Variants in PSME3IP1 observed in about 807,000 individuals in gnomAD.
PSME3IP1 encodes proteasome activator subunit 3 interacting protein 1, also known as PSME3-interacting protein.
A neutral mutation model predicts 34.1 loss-of-function variants in PSME3IP1; 13 were observed. That is an observed-to-expected ratio of 0.38 (90% CI 0.25 to 0.61). The LOEUF is 0.61. PSME3IP1 is among the 20% of genes least tolerant of loss of function. The probability of loss-of-function intolerance (pLI) is 0.60; values close to 1 mark genes in which losing one functional copy is unlikely to be tolerated. For synonymous variants in PSME3IP1, 93 were observed against 114.3 expected (o/e 0.81, Z 1.19); for missense variants, 237 against 301.4 (o/e 0.79, Z 1.58).
At chr16:57,167,289 C>T in intron 4 of PSME3IP1, 63 bp from the exon 5 acceptor site, 1 of 1,588,514 alleles carries the variant, frequency 6.3e-7, no homozygotes, top group Non-Finnish European at 8.6e-7. Flanking sequence ...ACCCACTAGC[C>T]CTTCGGCTGT....
chr16:57,165,463 T>G (rs1377442417), intron 5 of PSME3IP1, among the ~76,000 whole-genome samples: 1 of 152,124 alleles, frequency 6.6e-6, no homozygotes, highest in Non-Finnish European at 1.5e-5. Flanking sequence ...AAGAATAAAC[T>G]AGAAGAGAGT....
At chr16:57,186,076 C>T, upstream of PSME3IP1, 9 of 985,502 alleles carry the variant, frequency 9.1e-6, no homozygotes, top group Non-Finnish European at 1.1e-5. Flanking sequence ...TAACCCAATC[C>T]GCGGAGCTCT....
chr16:57,154,511 C>G lies in PSME3IP1; in HGVS notation c.548-4G>C. 6.3e-7 allele frequency: 1 copy of G among 1,596,772 alleles called. No individual in the cohort carries two copies. The highest frequency in any genetic ancestry group is 8.5e-7 in the Non-Finnish European group (1 of 1,170,226). ...AGAGACTTGCAGGATGAGGGCTCTG[C>G]AATAAAAGGGGAAAGACTGTCACTT... is the stretch of plus-strand genomic sequence containing the variant. On this transcript the variant is annotated splice_region_variant and splice_polypyrimidine_tract_variant and intron_variant, in intron 6 of 6. Transcript: ENST00000309137. The surrounding 1 kb of genome is among the most constrained non-coding windows in gnomAD (Gnocchi z 4.0).
intron 5 of PSME3IP1, among the ~76,000 whole-genome samples, 196 bp from the exon 6 acceptor site, chr16:57,164,261 A>C (rs2071598460): frequency 6.6e-6 from 1 of 152,230 alleles, no homozygotes; most frequent in East Asian, 1.9e-4. Context: ...AGACAATTTA[A>C]ACTCCTGACA....
intron 4 of PSME3IP1, among the ~76,000 whole-genome samples, chr16:57,170,111 T>C (rs1030611009): frequency 7.4e-5 from 11 of 148,996 alleles, no homozygotes; most frequent in African/African-American, 2.3e-4. Context: ...TAAGATAAAG[T>C]CTTGCTCTGT....
chr16:57,174,600 A>G, intron 1 of PSME3IP1: 2 of 985,410 alleles, frequency 2.0e-6, no homozygotes, highest in Non-Finnish European at 1.2e-6. Context: ...TTTCTGAGAC[A>G]TTACACTATC....
At chr16:57,174,800 TTA>T in intron 1 of PSME3IP1, 1 of 541,922 alleles carries the variant, frequency 1.8e-6, no homozygotes, top group Non-Finnish European at 2.4e-6. Flanking sequence ...GACTCTTCAT[TTA>T]TATCTCTTCT....
rs1189721344 is a variant in PSME3IP1 at position 57,168,803 on chromosome 16, C to CAAAA, written c.349-1581_349-1578dup. On this transcript the variant is annotated intron_variant, in intron 4 of 6. Coordinates refer to ENST00000309137, the MANE Select transcript of PSME3IP1 (RefSeq NM_024946.4). ...GGGTAACAAGAGCGAAACTCTGTCTCAAAAAAAAAAAAAAAAAAAAAAAAA... is the reference window on the plus strand; with the variant it reads ...GGGTAACAAGAGCGAAACTCTGTCTCAAAAAAAAAAAAAAAAAAAAAAAAAAAAA... 2.5e-4 allele frequency among the ~76,000 whole-genome samples: 6 copies of CAAAA among 23,898 alleles called. 1 individual carries two copies. Among genetic ancestry groups the CAAAA allele is most frequent in the Admixed American group, 1.2e-3 (2 of 1,710 alleles). 15.7% of individuals were successfully genotyped at this position (23,898 alleles called of 152,430 possible).
At chr16:57,158,265 C>T (rs1452712044) in intron 6 of PSME3IP1, among the ~76,000 whole-genome samples, 1 of 152,158 alleles carries the variant, frequency 6.6e-6, no homozygotes, top group Non-Finnish European at 1.5e-5. Flanking sequence ...ATATTTTCAG[C>T]ATTCTGTTAG....
In PSME3IP1 at chr16:57,154,163, TA is replaced by T; in HGVS notation, c.*126del. ...TGGCACATTTTTAGATTGGATTGGT[TA>T]AAAATGTCATGTTGTACACAGGATG... On this transcript the variant is annotated 3_prime_UTR_variant, in exon 7 of 7. Transcript: ENST00000309137. This position sits in a 1 kb window ranked among gnomAD's most constrained non-coding sequence, Gnocchi z 4.0. 1 of 763,790 alleles carries T rather than the reference TA, an allele frequency of 1.3e-6. No individual in the cohort carries two copies. Among genetic ancestry groups the T allele is most frequent in the Non-Finnish European group, 2.1e-6 (1 of 473,658 alleles). The allele number at this position is 763,790 out of a possible 1,614,324, so 47.3% of individuals were successfully genotyped here. A position where few individuals can be genotyped will look rare whatever the true frequency, so the allele number is the denominator to read the frequency against.
intron 6 of PSME3IP1, among the ~76,000 whole-genome samples, chr16:57,155,970 A>G (rs2070474003): frequency 6.6e-6 from 1 of 152,150 alleles, no homozygotes; most frequent in Non-Finnish European, 1.5e-5. Context: ...ACCCTGTCTC[A>G]AAAAACAAAC....
At chr16:57,184,452 G>A (rs77902461) in intron 1 of PSME3IP1, among the ~76,000 whole-genome samples, 2,772 of 152,200 alleles carry the variant, frequency 0.018, 94 homozygotes, top group African/African-American at 0.064. Flanking sequence ...TAAACTTGTC[G>A]ATACTTGATT....
chr16:57,161,928 G>A (rs1332265324), intron 6 of PSME3IP1, among the ~76,000 whole-genome samples: 2 of 152,128 alleles, frequency 1.3e-5, no homozygotes, highest in African/African-American at 4.8e-5. Context: ...TTTTGAGACA[G>A]AGTCTCGCTC....
intron 4 of PSME3IP1, among the ~76,000 whole-genome samples, chr16:57,172,004 C>T (rs1199802872): frequency 6.6e-6 from 1 of 152,196 alleles, no homozygotes; most frequent in Non-Finnish European, 1.5e-5. Context: ...AATCCCAGTA[C>T]TAGTAGGATT....
At chr16:57,180,104 T>TA (rs1489548420) in intron 1 of PSME3IP1, among the ~76,000 whole-genome samples, 1 of 152,198 alleles carries the variant, frequency 6.6e-6, no homozygotes, top group African/African-American at 2.4e-5. Flanking sequence ...CACCAAAGCT[T>TA]AATTAACATA....
chr16:57,158,138 T>G (rs1038700924), intron 6 of PSME3IP1, among the ~76,000 whole-genome samples: 2 of 152,254 alleles, frequency 1.3e-5, no homozygotes, highest in South Asian at 4.1e-4. Context: ...AAATGGCTAA[T>G]TTGGGGGGAA....
intron 5 of PSME3IP1, among the ~76,000 whole-genome samples, chr16:57,165,793 T>C (rs995531010): frequency 3.3e-5 from 5 of 151,894 alleles, no homozygotes; most frequent in Non-Finnish European, 7.4e-5. Flanking sequence ...CAAAAGGGGT[T>C]ATATGCAGGT....
Position 57,167,233 on chromosome 16 carries a change from T to C in PSME3IP1, c.349-7A>G, listed in dbSNP as rs1164042320. ...CAACCTTCTTGAGGTTATTGTGAGTTACCAGTTAAGGGTCAAACTAAGCAA... is the reference window on the plus strand; with the variant it reads ...CAACCTTCTTGAGGTTATTGTGAGTCACCAGTTAAGGGTCAAACTAAGCAA... On this transcript the variant is annotated splice_region_variant and splice_polypyrimidine_tract_variant and intron_variant, in intron 4 of 6. Coordinates refer to ENST00000309137, the MANE Select transcript of PSME3IP1 (RefSeq NM_024946.4). 1 of 1,614,122 alleles carries C rather than the reference T, an allele frequency of 6.2e-7. No homozygotes were observed. The highest frequency in any genetic ancestry group is 1.3e-5 in the African/African-American group (1 of 74,952).
intron 1 of PSME3IP1, among the ~76,000 whole-genome samples, chr16:57,177,121 T>G (rs1312433615): frequency 6.6e-6 from 1 of 151,970 alleles, no homozygotes; most frequent in African/African-American, 2.4e-5. Flanking sequence ...TCCCAAAGTG[T>G]TGGGATTACA....
Sources: gnomAD v4.1 joint callset for allele counts (sites outside exome capture counted in the v4.1 genomes callset) on GRCh38, gnomAD v4.1.1 for gene constraint, Gnocchi (gnomAD v3.1) non-coding constraint, MANE v1.5 for transcripts, NCBI Gene and HGNC (gene_info 2026-07-23, HGNC 2026-07-21) for gene names.